DLGAP1: variants seen among roughly 807,000 people sequenced by gnomAD.
DLGAP1 encodes DLG associated protein 1, also known as disks large-associated protein 1.
DLGAP1 carries 11 observed loss-of-function variants against 90.8 expected under a neutral mutation model. The observed-to-expected ratio is 0.12, with a 90% CI of 0.08 to 0.20. DLGAP1 has a LOEUF of 0.20. Among genes scored for constraint, DLGAP1 ranks in the 10% least tolerant of loss-of-function variants. The pLI, the probability that DLGAP1 is intolerant of heterozygous loss-of-function variation, is 1.00. For synonymous variants in DLGAP1, 558 were observed against 540.7 expected (o/e 1.03, Z -0.44); for missense variants, 1,050 against 1,333.8 (o/e 0.79, Z 3.31).
chr18:4,249,180 T>C (rs1471437086), intron 1 of DLGAP1, among the ~76,000 whole-genome samples: 1 of 152,216 alleles, frequency 6.6e-6, no homozygotes, highest in Non-Finnish European at 1.5e-5. Flanking sequence ...TGTTCATTGC[T>C]GTATACTCCC....
At chr18:3,682,201 C>T (rs2060545611) in intron 7 of DLGAP1, among the ~76,000 whole-genome samples, 6 of 152,056 alleles carry the variant, frequency 3.9e-5, no homozygotes, top group Admixed American at 3.9e-4. Flanking sequence ...GGCACCTCCC[C>T]CTCACACCTC....
chr18:3,993,978 C>T (rs924846184), intron 3 of DLGAP1, among the ~76,000 whole-genome samples: 2 of 152,108 alleles, frequency 1.3e-5, no homozygotes, highest in Non-Finnish European at 2.9e-5. Flanking sequence ...TGTTGTTTTC[C>T]TTTTGGTTTG....
At chr18:3,763,528 G>T (rs903406047) in intron 5 of DLGAP1, among the ~76,000 whole-genome samples, 1 of 151,974 alleles carries the variant, frequency 6.6e-6, no homozygotes, top group Non-Finnish European at 1.5e-5. Context: ...AACACACATG[G>T]CCTATAATCT....
At chr18:3,753,847 C>T (rs911670993) in intron 5 of DLGAP1, among the ~76,000 whole-genome samples, 31 of 152,228 alleles carry the variant, frequency 2.0e-4, no homozygotes, top group African/African-American at 7.5e-4. Context: ...ACAGTGAACC[C>T]AAGGAAGCCA....
At chr18:3,695,423 C>T (rs990003109) in intron 7 of DLGAP1, among the ~76,000 whole-genome samples, 10 of 152,182 alleles carry the variant, frequency 6.6e-5, no homozygotes, top group African/African-American at 2.2e-4. Context: ...CTGCATATGG[C>T]TAGCCAGTTT....
intron 7 of DLGAP1, among the ~76,000 whole-genome samples, chr18:3,601,029 G>GAA (rs2056983526): frequency 6.9e-6 from 1 of 145,218 alleles, no homozygotes; most frequent in African/African-American, 2.5e-5. Flanking sequence ...TAGATATATA[G>GAA]ATATAGAGAT....
rs150120284 is a variant in DLGAP1 at position 3,883,131 on chromosome 18, C to T, written c.-72-2991G>A. Among the ~76,000 whole-genome samples, 202 of 152,288 alleles carry T rather than the reference C, an allele frequency of 1.3e-3. 2 individuals are homozygous for T. Among genetic ancestry groups the T allele is most frequent in the African/African-American group, 4.7e-3 (194 of 41,566 alleles). Reference sequence around the variant, plus strand: ...TGGTGGCGGGAGCCTGTAATATCAGCTACTTGGGAGGCTGAGGCAGGAGAA... The same window carrying T: ...TGGTGGCGGGAGCCTGTAATATCAGTTACTTGGGAGGCTGAGGCAGGAGAA... On this transcript the variant is annotated intron_variant, in intron 3 of 12. Transcript: ENST00000315677.
intron 3 of DLGAP1, among the ~76,000 whole-genome samples, chr18:3,977,434 G>GTGTTTTTTTTTTT (rs1555718019): frequency 2.1e-5 from 2 of 95,332 alleles, no homozygotes; most frequent in African/African-American, 8.4e-5. Flanking sequence ...TTTATTCTGT[G>GTGTTTTTTTTTTT]TTTTTTTTTT....
At chr18:3,998,150 A>C (rs187930628) in intron 3 of DLGAP1, among the ~76,000 whole-genome samples, 1 of 152,342 alleles carries the variant, frequency 6.6e-6, no homozygotes, top group Admixed American at 6.5e-5. Flanking sequence ...CTCAAATTTT[A>C]AAATTCCTTC....
rs375762817 is a variant in DLGAP1, at chr18:3,749,106, CT to C, written c.1173-6595del. 1.7e-3 allele frequency among the ~76,000 whole-genome samples: 264 copies of C among 151,050 alleles called. 3 individuals are homozygous for C. Among genetic ancestry groups the C allele is most frequent in the African/African-American group, 6.2e-3 (256 of 41,120 alleles). ...ATTCCTATTCTGTCTTCTCCTTCTCCTTCTCCTCCTCCTCCTCTTCCTCCTC... is the reference window on the plus strand; with the variant it reads ...ATTCCTATTCTGTCTTCTCCTTCTCCTCTCCTCCTCCTCCTCTTCCTCCTC... On this transcript the variant is annotated intron_variant, in intron 5 of 12. Coordinates refer to ENST00000315677, the MANE Select transcript of DLGAP1 (RefSeq NM_004746.4).
intron 2 of DLGAP1, among the ~76,000 whole-genome samples, chr18:4,119,686 C>A (rs773108020): frequency 1.3e-5 from 2 of 152,096 alleles, no homozygotes; most frequent in African/African-American, 2.4e-5. Context: ...GTGAATTAGA[C>A]AAAAGCACTC....
chr18:3,771,070 G>A (rs912571455), intron 5 of DLGAP1: 3 of 152,148 alleles, frequency 2.0e-5, no homozygotes, highest in Admixed American at 6.6e-5. Context: ...AAAGCTTTCT[G>A]GTCAAAATGT....
chr18:4,428,902 C>T (rs999401687), intron 1 of DLGAP1, among the ~76,000 whole-genome samples: 5 of 152,070 alleles, frequency 3.3e-5, no homozygotes, highest in African/African-American at 9.7e-5. Flanking sequence ...AGAAAATGAG[C>T]CTTAACAAAT....
chr18:4,084,915 T>C lies in DLGAP1; in HGVS notation c.-159+66265A>G, dbSNP rs2075659875. Among the ~76,000 whole-genome samples the C allele has an allele frequency of 1.3e-5, 2 of 151,546 alleles. No homozygotes were observed. Among genetic ancestry groups the C allele is most frequent in the South Asian group, 2.1e-4 (1 of 4,786 alleles). The stretch of plus-strand genomic sequence containing the variant: ...TATTCTGTTTAAGTTTTGTTGTTTA[T>C]GATTGACTCTAAATCAAAGAGAGCA... On this transcript the variant is annotated intron_variant, in intron 2 of 12. Coordinates refer to ENST00000315677, the MANE Select transcript of DLGAP1 (RefSeq NM_004746.4). This position sits in a 1 kb window ranked among gnomAD's most constrained non-coding sequence, Gnocchi z 4.0.
chr18:4,265,350 T>C (rs984597677), intron 1 of DLGAP1, among the ~76,000 whole-genome samples: 1 of 151,944 alleles, frequency 6.6e-6, no homozygotes, highest in Admixed American at 6.6e-5. Flanking sequence ...TTTGTATTTT[T>C]AGTAGAGACC....
chr18:3,649,963 C>T (rs1639364), intron 7 of DLGAP1, among the ~76,000 whole-genome samples: 49,052 of 151,962 alleles, frequency 0.32, 9,926 homozygotes, highest in African/African-American at 0.57. Flanking sequence ...CGTGGCTCCA[C>T]CTCTGCCATT....
At chr18:3,516,693 G>A (rs997920633) in intron 10 of DLGAP1, among the ~76,000 whole-genome samples, 2 of 152,126 alleles carry the variant, frequency 1.3e-5, no homozygotes, top group African/African-American at 4.8e-5. Context: ...TTACATGGTG[G>A]TAGACAAGAG....
Position 3,722,124 on chromosome 18 carries a change from A to C in DLGAP1, c.1591+7011T>G, listed in dbSNP as rs553323495. Reference sequence around the variant, plus strand: ...ACAGCCTTTAAGGCCAGTGTGCCAGAAAACCCTGGAAGCCCCTTCACTGTT... The same window carrying C: ...ACAGCCTTTAAGGCCAGTGTGCCAGCAAACCCTGGAAGCCCCTTCACTGTT... On this transcript the variant is annotated intron_variant, in intron 7 of 12. Transcript: ENST00000315677. 5 of 152,344 alleles carry C rather than the reference A, an allele frequency of 3.3e-5. No homozygotes were observed. In the South Asian group the frequency reaches 1.0e-3, roughly 32 times the overall value. The allele number at this position is 152,344 out of a possible 1,614,324, so 9.4% of individuals were successfully genotyped here.
intron 7 of DLGAP1, among the ~76,000 whole-genome samples, chr18:3,692,385 G>A (rs1567970568): frequency 6.6e-6 from 1 of 152,182 alleles, no homozygotes; most frequent in Non-Finnish European, 1.5e-5. Context: ...AGTTCTCATG[G>A]TCTCCAGAGT....
Sources: gnomAD v4.1 joint callset for allele counts (sites outside exome capture counted in the v4.1 genomes callset) on GRCh38, gnomAD v4.1.1 for gene constraint, Gnocchi (gnomAD v3.1) non-coding constraint, MANE v1.5 for transcripts, NCBI Gene and HGNC (gene_info 2026-07-23, HGNC 2026-07-21) for gene names.